The following JHY variants were observed in gnomAD, a reference collection of about 807,000 sequenced individuals.
JHY encodes the protein jhy protein homolog.
Under a neutral mutation model 78.0 loss-of-function variants are expected in JHY, and 69 were observed. That is an observed-to-expected ratio of 0.88 (90% confidence interval 0.73 to 1.08). JHY has a LOEUF of 1.08. Among genes scored for constraint, JHY ranks in the 50% least tolerant of loss-of-function variants. The pLI is 0.00. For missense variants in JHY, 944 were observed against 927.8 expected, an observed-to-expected ratio of 1.02 and a Z score of -0.23; for synonymous variants, 368 against 342.6, an observed-to-expected ratio of 1.07 and a Z score of -0.82.
chr11:122,916,068 G>C (rs1322027354), intron 3 of JHY, among the ~76,000 whole-genome samples: 1 of 152,066 alleles, frequency 6.6e-6, no homozygotes, highest in Non-Finnish European at 1.5e-5. Context: ...AGGTTGGTCA[G>C]TTGGTAAAAA....
At chr11:122,888,432 GC>G (rs1862541640) in intron 2 of JHY, among the ~76,000 whole-genome samples, 1 of 152,114 alleles carries the variant, frequency 6.6e-6, no homozygotes, top group Non-Finnish European at 1.5e-5. Context: ...TAGGGAAGTT[GC>G]TGCTTTTCCT....
At chr11:122,886,220 T>A (rs1862494731) in intron 2 of JHY, 27 bp downstream of exon 2, 1 of 1,561,224 alleles carries the variant, frequency 6.4e-7, no homozygotes, top group Non-Finnish European at 8.7e-7. Flanking sequence ...TGTAAGATAA[T>A]AATGGGCTCT....
At position 122,925,027 on chromosome 11, in the gene JHY, C is replaced by T; in HGVS notation, c.978+17C>T. 7.7e-6 allele frequency: 12 copies of T among 1,566,018 alleles called. No homozygotes were observed. The highest frequency in any genetic ancestry group is 1.1e-5 in the Non-Finnish European group (12 of 1,136,540). Reference sequence around the variant, plus strand: ...CAGCTAAAGGTTACCTGCTAGATTGCATTTTAAGTGTGTTTCAAGCGATAC... The same window carrying T: ...CAGCTAAAGGTTACCTGCTAGATTGTATTTTAAGTGTGTTTCAAGCGATAC... On this transcript the variant is annotated intron_variant, in intron 4 of 8. Transcript: ENST00000227349.
chr11:122,959,732 T>G lies in JHY; in HGVS notation c.*287T>G, dbSNP rs1467954075. The G allele has an allele frequency of 7.6e-5, 23 of 302,000 alleles. No individual in the cohort carries two copies. Among genetic ancestry groups the G allele is most frequent in the Non-Finnish European group, 1.0e-4 (17 of 163,530 alleles). 18.7% of individuals were successfully genotyped at this position (302,000 alleles called of 1,614,324 possible). ...TTTTGTTTTATATTGATCTTTTGAT[T>G]TCTTCATCTCTACCCCATTCCTTAG... On this transcript the variant is annotated 3_prime_UTR_variant, in exon 9 of 9. Transcript: ENST00000227349.
At chr11:122,918,480 G>A (rs1274957696) in intron 3 of JHY, among the ~76,000 whole-genome samples, 1 of 151,360 alleles carries the variant, frequency 6.6e-6, no homozygotes, top group Non-Finnish European at 1.5e-5. Flanking sequence ...GAGAAGATAT[G>A]GAGGAGGTGA....
chr11:122,924,525 G>A (rs1368138698), intron 3 of JHY, among the ~76,000 whole-genome samples: 10 of 152,150 alleles, frequency 6.6e-5, no homozygotes, highest in Middle Eastern at 3.2e-3. Flanking sequence ...TTCTGTTGTC[G>A]TCATCATCTT....
intron 6 of JHY, among the ~76,000 whole-genome samples, chr11:122,949,352 A>G (rs1379383516): frequency 6.6e-6 from 1 of 152,154 alleles, no homozygotes; most frequent in Non-Finnish European, 1.5e-5. Flanking sequence ...TTTGTATTTT[A>G]GAAAGGCAGC....
chr11:122,949,506 CAAGAGATACTAACGAG>C (rs1864040491), intron 6 of JHY, among the ~76,000 whole-genome samples: 1 of 152,148 alleles, frequency 6.6e-6, no homozygotes. Flanking sequence ...GATCAGGCAG[CAAGAGATACTAACGAG>C]AAGAAAAAGA....
At chr11:122,901,149 G>T (rs1281382125) in intron 2 of JHY, among the ~76,000 whole-genome samples, 1 of 152,170 alleles carries the variant, frequency 6.6e-6, no homozygotes, top group Non-Finnish European at 1.5e-5. Flanking sequence ...ACACTGTAGG[G>T]AATTATAATA....
rs1299620371 is a variant in JHY at position 122,882,787 on chromosome 11, C to A, written c.-275C>A. On this transcript the variant is annotated 5_prime_UTR_variant, in exon 1 of 9. Coordinates refer to ENST00000227349, the MANE Select transcript of JHY (RefSeq NM_024806.4). ...GCCGTTTGCAGCCTCCGTGCCAGGG[C>A]CGGGGGTGCGGTTCGGGACGCGGGA... is the stretch of plus-strand genomic sequence containing the variant. The A allele has an allele frequency of 3.3e-5, 5 of 153,068 alleles. No individual in the cohort carries two copies. The highest frequency in any genetic ancestry group is 1.2e-4 in the African/African-American group (5 of 41,460). The allele number at this position is 153,068 out of a possible 1,614,324, so 9.5% of individuals were successfully genotyped here.
intron 6 of JHY, among the ~76,000 whole-genome samples, chr11:122,948,375 G>A (rs1325016976): frequency 6.6e-6 from 1 of 151,638 alleles, no homozygotes; most frequent in African/African-American, 2.4e-5. Flanking sequence ...CCTGGGAGAC[G>A]GAGGTTGCAG....
chr11:122,942,923 G>A (rs1366407025), intron 5 of JHY, among the ~76,000 whole-genome samples: 1 of 152,174 alleles, frequency 6.6e-6, no homozygotes, highest in Non-Finnish European at 1.5e-5. Flanking sequence ...TGCCCAGGCT[G>A]GAGTGCAACG....
chr11:122,924,013 A>G lies in JHY; in HGVS notation c.865-884A>G, dbSNP rs912911002. Among the ~76,000 whole-genome samples the G allele has an allele frequency of 1.1e-4, 17 of 149,682 alleles. No individual in the cohort carries two copies. The Admixed American group carries it at 1.2e-3, about 10-fold the overall frequency. ...TGGCTTCCCAAAGTGCCGGGATTAT[A>G]GGTGTGAGCCACTGCGCCTGGACTT... On this transcript the variant is annotated intron_variant, in intron 3 of 8. Transcript: ENST00000227349.
chr11:122,961,004 A>G lies in JHY; in HGVS notation c.*1559A>G. Reference sequence around the variant, plus strand: ...TAAATTGGGTGCAGAGCATCTCTGCACAACAGGAAAAGGAGACAATTGCCA... The same window carrying G: ...TAAATTGGGTGCAGAGCATCTCTGCGCAACAGGAAAAGGAGACAATTGCCA... On this transcript the variant is annotated 3_prime_UTR_variant, in exon 9 of 9. Transcript: ENST00000227349. The G allele has an allele frequency of 1.0e-6, 1 of 966,888 alleles. No homozygotes were observed. Among genetic ancestry groups the G allele is most frequent in the Non-Finnish European group, 1.7e-6 (1 of 603,074 alleles). The allele number at this position is 966,888 out of a possible 1,614,324, so 59.9% of individuals were successfully genotyped here. A position where few individuals can be genotyped will look rare whatever the true frequency, so the allele number is the denominator to read the frequency against.
intron 2 of JHY, among the ~76,000 whole-genome samples, chr11:122,899,904 G>A (rs1238864134): frequency 2.0e-5 from 3 of 152,316 alleles, no homozygotes; most frequent in East Asian, 1.9e-4. Context: ...GTGCCCTGCC[G>A]GACACTGCTG....
intron 4 of JHY, among the ~76,000 whole-genome samples, chr11:122,928,542 A>G (rs373527696): frequency 2.9e-4 from 42 of 145,700 alleles, no homozygotes; most frequent in African/African-American, 9.8e-4. Flanking sequence ...GCCTGGCCCA[A>G]AAGATACGGG....
chr11:122,942,437 T>C (rs879494833), intron 5 of JHY, among the ~76,000 whole-genome samples: 1 of 152,078 alleles, frequency 6.6e-6, no homozygotes, highest in Non-Finnish European at 1.5e-5. Context: ...TGTTATTTAT[T>C]TATTGAGACA....
At chr11:122,941,309 T>C (rs1863870645) in intron 5 of JHY, among the ~76,000 whole-genome samples, 1 of 152,240 alleles carries the variant, frequency 6.6e-6, no homozygotes. Flanking sequence ...TTCTGTATAC[T>C]AGTGGGGTCA....
chr11:122,962,565 T>G lies in JHY; in HGVS notation c.*3120T>G, dbSNP rs570899631. Among the ~76,000 whole-genome samples the G allele has an allele frequency of 3.3e-4, 51 of 152,308 alleles. No individual in the cohort carries two copies. Among genetic ancestry groups the G allele is most frequent in the African/African-American group, 1.2e-3 (50 of 41,576 alleles). On this transcript the variant is annotated 3_prime_UTR_variant, in exon 9 of 9. Transcript: ENST00000227349. Reference sequence around the variant, plus strand: ...TTATAAGAGAAGAGGCCCTTCTAGGTGCATGAAGACATTTCTAGAAATATG... The same window carrying G: ...TTATAAGAGAAGAGGCCCTTCTAGGGGCATGAAGACATTTCTAGAAATATG...
Sources: gnomAD v4.1 joint callset for allele counts (sites outside exome capture counted in the v4.1 genomes callset) on GRCh38, gnomAD v4.1.1 for gene constraint, MANE v1.5 for transcripts, NCBI Gene and HGNC (gene_info 2026-07-23, HGNC 2026-07-21) for gene names.